Variants in CNOT10 observed in about 807,000 individuals in gnomAD.
CNOT10 encodes the protein CCR4-NOT transcription complex subunit 10.
Under a neutral mutation model 94.6 loss-of-function variants are expected in CNOT10, and 30 were observed. That is an observed-to-expected ratio of 0.32 (90% confidence interval 0.24 to 0.43). The LOEUF is 0.43. CNOT10 is among the 20% of genes least tolerant of loss of function. CNOT10 has a pLI of 1.00. For missense variants in CNOT10, 759 were observed against 877.2 expected (o/e 0.87, Z 1.70); for synonymous variants, 289 against 301.6 (o/e 0.96, Z 0.43).
At chr3:32,685,524 C>A in intron 1 of CNOT10, 42 bp downstream of exon 1, 1 of 1,546,818 alleles carries the variant, frequency 6.5e-7, no homozygotes, top group Non-Finnish European at 8.7e-7. Flanking sequence ...GCGGGACGTG[C>A]GGGGCCGGGC....
chr3:32,738,869 A>G (rs1426333985), intron 13 of CNOT10, among the ~76,000 whole-genome samples: 2 of 150,174 alleles, frequency 1.3e-5, no homozygotes, highest in African/African-American at 4.9e-5. Context: ...TTACCTTTTT[A>G]ATGTCTGTAG....
Position 32,770,179 on chromosome 3 carries a change from T to A in CNOT10, c.2080+217T>A, listed in dbSNP as rs568986311. On this transcript the variant is annotated intron_variant, in intron 18 of 18. Coordinates refer to ENST00000328834, the MANE Select transcript of CNOT10 (RefSeq NM_015442.3). ...ACGCCACTGAGCCCAACTAATTTTT[T>A]AAATTTTTTTTAGAGATGTGGTCTC... is the stretch of plus-strand genomic sequence containing the variant. Among the ~76,000 whole-genome samples the A allele has an allele frequency of 4.6e-5, 7 of 151,964 alleles. No homozygotes were observed. In the East Asian group the frequency reaches 5.8e-4, roughly 13 times the overall value.
chr3:32,739,061 C>T (rs577468338), intron 13 of CNOT10, among the ~76,000 whole-genome samples: 1 of 152,024 alleles, frequency 6.6e-6, no homozygotes, highest in Non-Finnish European at 1.5e-5. Flanking sequence ...CCTGCTAGCA[C>T]GCCTGGCTAA....
rs1214455599 is a variant in CNOT10 at position 32,722,186 on chromosome 3, G to GT, written c.862+1963dup. On this transcript the variant is annotated intron_variant, in intron 8 of 18. Coordinates refer to ENST00000328834, the MANE Select transcript of CNOT10 (RefSeq NM_015442.3). ...TATGTATTTTGGTATGTTTTGTCTT[G>GT]TTTTTTTTGGATTCTACCCAGATAC... Among the ~76,000 whole-genome samples the GT allele has an allele frequency of 1.3e-4, 20 of 151,890 alleles. 1 individual carries two copies. In the Middle Eastern group the frequency reaches 0.024, roughly 181 times the overall value.
At chr3:32,722,529 A>T (rs1698468804) in intron 8 of CNOT10, among the ~76,000 whole-genome samples, 1 of 152,198 alleles carries the variant, frequency 6.6e-6, no homozygotes. Flanking sequence ...TTTAAAATGA[A>T]GGCAGGAGCT....
At chr3:32,725,927 AGTTTTGTTTT>A (rs33937831) in intron 9 of CNOT10, among the ~76,000 whole-genome samples, 2,970 of 149,808 alleles carry the variant, frequency 0.02, 58 homozygotes, top group Middle Eastern at 0.072. Context: ...GGTTTATTAT[AGTTTTGTTTT>A]GTTTTGTTTT....
Position 32,737,486 on chromosome 3 carries a change from T to G in CNOT10, c.1591T>G (p.Leu531Val), listed in dbSNP as rs1299658905. The G allele has an allele frequency of 3.1e-6, 5 of 1,591,422 alleles. No individual in the cohort carries two copies. The highest frequency in any genetic ancestry group is 4.3e-6 in the Non-Finnish European group (5 of 1,160,578). Residue 531 changes from leucine to valine, a missense_variant, in exon 13 of 19, where the codon TTA becomes GTA. Transcript: ENST00000328834. Reference protein sequence around the residue: ...SPLRKQELENLKCSILACSAY... With the variant: ...SPLRKQELENVKCSILACSAY... ...ATTGAGAAAACAGGAATTAGAAAAC[T>G]TAAAGTGAGTATCTAAACAAAATTA...
chr3:32,697,433 T>C (rs996399489), intron 1 of CNOT10, among the ~76,000 whole-genome samples: 1 of 152,136 alleles, frequency 6.6e-6, no homozygotes, highest in African/African-American at 2.4e-5. Context: ...TGTCATCTAA[T>C]CTAGGGCATA....
intron 14 of CNOT10, among the ~76,000 whole-genome samples, chr3:32,760,610 T>G (rs1700404695): frequency 6.6e-6 from 1 of 151,752 alleles, no homozygotes; most frequent in South Asian, 2.1e-4. Flanking sequence ...CCAGGCGGAG[T>G]GACACAGCAA....
chr3:32,700,617 G>T (rs1697298006), intron 1 of CNOT10, among the ~76,000 whole-genome samples: 1 of 152,128 alleles, frequency 6.6e-6, no homozygotes, highest in Non-Finnish European at 1.5e-5. Flanking sequence ...CTTGAAAAAG[G>T]GTTTTCTTAT....
chr3:32,714,844 TCTTA>T (rs773847074), intron 5 of CNOT10, among the ~76,000 whole-genome samples: 14 of 152,224 alleles, frequency 9.2e-5, no homozygotes, highest in East Asian at 1.9e-4. Context: ...GGATGACCCT[TCTTA>T]CTTCCGTTTT....
intron 1 of CNOT10, among the ~76,000 whole-genome samples, chr3:32,693,133 T>G (rs977986407): frequency 9.9e-5 from 15 of 152,234 alleles, no homozygotes; most frequent in African/African-American, 3.6e-4. Context: ...TAATTCATTA[T>G]TTTCAATTAC....
At chr3:32,721,429 C>CTTTTTTTT (rs58351356) in intron 8 of CNOT10, among the ~76,000 whole-genome samples, 113 of 72,498 alleles carry the variant, frequency 1.6e-3, no homozygotes, top group Non-Finnish European at 1.8e-3. Flanking sequence ...TTTCTTTCAT[C>CTTTTTTTT]TTTTTTTTTT....
chr3:32,739,137 C>T (rs1196099702), intron 13 of CNOT10, among the ~76,000 whole-genome samples: 2 of 151,984 alleles, frequency 1.3e-5, no homozygotes, highest in African/African-American at 2.4e-5. Context: ...AACTCCTGAC[C>T]TCAGGTGATC....
At chr3:32,706,271 T>C (rs1471518136) in intron 3 of CNOT10, among the ~76,000 whole-genome samples, 1 of 152,228 alleles carries the variant, frequency 6.6e-6, no homozygotes, top group Admixed American at 6.5e-5. Flanking sequence ...TATGACCCCA[T>C]AGACAGTTTC....
chr3:32,736,591 A>G (rs777320371), intron 12 of CNOT10, among the ~76,000 whole-genome samples: 1 of 152,200 alleles, frequency 6.6e-6, no homozygotes, highest in Non-Finnish European at 1.5e-5. Flanking sequence ...CCTGTCCAAC[A>G]TAATGAGACC....
chr3:32,716,609 A>T (rs1201915484), intron 6 of CNOT10, among the ~76,000 whole-genome samples: 9 of 152,144 alleles, frequency 5.9e-5, no homozygotes, highest in Admixed American at 5.9e-4. Context: ...TGTGCAGAAG[A>T]GGATTGATAG....
chr3:32,724,941 A>G (rs1020510858), intron 8 of CNOT10, among the ~76,000 whole-genome samples: 3 of 152,196 alleles, frequency 2.0e-5, no homozygotes, highest in African/African-American at 7.2e-5. Flanking sequence ...CCTTGTTTCT[A>G]ATTTCTACAT....
intron 7 of CNOT10, among the ~76,000 whole-genome samples, chr3:32,718,103 A>G (rs924462995): frequency 6.6e-6 from 1 of 152,050 alleles, no homozygotes; most frequent in Non-Finnish European, 1.5e-5. Flanking sequence ...TAAATTTAGA[A>G]GTATAAAGTC....
Sources: allele counts gnomAD v4.1 joint callset (sites outside exome capture counted in the v4.1 genomes callset), GRCh38; gene constraint gnomAD v4.1.1; transcripts MANE v1.5; gene names NCBI Gene and HGNC (gene_info 2026-07-23, HGNC 2026-07-21).